Variants in PLB1 observed in about 807,000 individuals in gnomAD.
The protein encoded by PLB1 is phospholipase B1.
Under a neutral mutation model 227.4 loss-of-function variants are expected in PLB1, and 242 were observed. The observed-to-expected ratio is 1.06, with a 90% CI of 0.96 to 1.18. The LOEUF is 1.18. PLB1 is among the 50% of genes most tolerant of loss of function. The pLI is 0.00. For missense variants in PLB1, 1,858 were observed against 1,816.3 expected (o/e 1.02, Z -0.42); for synonymous variants, 757 against 682.2 (o/e 1.11, Z -1.71).
Position 28,525,937 on chromosome 2 carries a change from T to G in PLB1, c.317T>G (p.Val106Gly). The change falls in exon 6 of 58, where the codon GTG becomes GGG. Residue 106 changes from valine to glycine, a missense_variant. Physicochemically the swap from Val to Gly is moderately radical, Grantham distance 109 (BLOSUM62 -3). Transcript: ENST00000327757. ...AGGCCACAGCAGGTGTGCATGGGAG[T>G]GATGACAGGTGAGTTGTGGTTTTCA... ...TERPQQVCMG[V>G]MTVLSDIIRY... is the part of the protein sequence containing the mutation. 1 of 1,613,766 alleles carries G rather than the reference T, an allele frequency of 6.2e-7. No homozygotes were observed. The highest frequency in any genetic ancestry group is 8.5e-7 in the Non-Finnish European group (1 of 1,179,926).
At chr2:28,642,672 T>C (rs1690102413) in intron 57 of PLB1, among the ~76,000 whole-genome samples, 186 bp from the exon 58 acceptor site, 1 of 152,172 alleles carries the variant, frequency 6.6e-6, no homozygotes, top group Non-Finnish European at 1.5e-5. Context: ...GTTGACCTCT[T>C]TAGAGGCCCA....
At chr2:28,581,812 TTA>T (rs1680061424) in intron 23 of PLB1, among the ~76,000 whole-genome samples, 1 of 151,654 alleles carries the variant, frequency 6.6e-6, no homozygotes, top group Non-Finnish European at 1.5e-5. Flanking sequence ...AATACAAAAA[TTA>T]GCCAGGTGTG....
chr2:28,585,730 G>A (rs1480478540), intron 25 of PLB1, 31 bp from the exon 26 acceptor site: 3 of 1,516,118 alleles, frequency 2.0e-6, no homozygotes, highest in African/African-American at 1.4e-5. Context: ...ATCTTGGTGG[G>A]ATGAGGGTTT....
At chr2:28,608,406 C>A (rs1224076306) in intron 43 of PLB1, among the ~76,000 whole-genome samples, 1 of 152,194 alleles carries the variant, frequency 6.6e-6, no homozygotes, top group African/African-American at 2.4e-5. Context: ...CAACAGGCAA[C>A]AGGCAAGACG....
intron 9 of PLB1, among the ~76,000 whole-genome samples, chr2:28,534,527 C>G (rs552944207): frequency 6.6e-6 from 1 of 152,122 alleles, no homozygotes; most frequent in Non-Finnish European, 1.5e-5. Context: ...TGGATTGGGA[C>G]GTGAAACACA....
intron 56 of PLB1, 61 bp from the exon 57 acceptor site, chr2:28,640,866 T>G: frequency 6.6e-7 from 1 of 1,518,156 alleles, no homozygotes; most frequent in Non-Finnish European, 9.0e-7. Flanking sequence ...AGACACCCCC[T>G]CAGAGAGGAA....
intron 17 of PLB1, among the ~76,000 whole-genome samples, chr2:28,553,793 A>C (rs748542615): frequency 1.3e-5 from 2 of 152,234 alleles, no homozygotes; most frequent in Non-Finnish European, 2.9e-5. Flanking sequence ...AGGAGTTTAC[A>C]TTCTAATGAA....
At chr2:28,502,663 C>A (rs1667230344) in intron 1 of PLB1, among the ~76,000 whole-genome samples, 1 of 152,104 alleles carries the variant, frequency 6.6e-6, no homozygotes. Flanking sequence ...CTTATATGCC[C>A]ATGAATGAGA....
intron 1 of PLB1, among the ~76,000 whole-genome samples, chr2:28,511,477 C>T (rs1668250527): frequency 6.6e-6 from 1 of 152,080 alleles, no homozygotes; most frequent in African/African-American, 2.4e-5. Context: ...TACTTCATTC[C>T]TTTTTACATC....
At chr2:28,516,281 C>T (rs1668842175) in intron 1 of PLB1, among the ~76,000 whole-genome samples, 1 of 152,202 alleles carries the variant, frequency 6.6e-6, no homozygotes, top group Non-Finnish European at 1.5e-5. Flanking sequence ...TTTTCTTCCC[C>T]TTACTCCTCA....
At chr2:28,581,567 G>A (rs950318054) in intron 23 of PLB1, among the ~76,000 whole-genome samples, 2 of 57,594 alleles carry the variant, frequency 3.5e-5, no homozygotes, top group South Asian at 5.8e-4. Context: ...GCATTTCCCT[G>A]AGGGCCACAG....
intron 42 of PLB1, 55 bp from the exon 43 acceptor site, chr2:28,606,441 C>T: frequency 6.6e-7 from 1 of 1,525,982 alleles, no homozygotes; most frequent in Non-Finnish European, 9.1e-7. Flanking sequence ...AGGGAATGTT[C>T]ACTTCCATGG....
chr2:28,571,734 G>GT (rs1243284873), intron 20 of PLB1, among the ~76,000 whole-genome samples: 1 of 152,062 alleles, frequency 6.6e-6, no homozygotes, highest in Non-Finnish European at 1.5e-5. Flanking sequence ...CAACTAGATA[G>GT]TTACACACAG....
chr2:28,497,652 C>T (rs1477942343), intron 1 of PLB1, among the ~76,000 whole-genome samples: 2 of 152,098 alleles, frequency 1.3e-5, no homozygotes, highest in African/African-American at 4.8e-5. Flanking sequence ...CTGGCCTGGC[C>T]GATTGCAGAC....
chr2:28,606,557 G>A lies in PLB1; in HGVS notation c.3119G>A (p.Cys1040Tyr). 1 of 1,614,140 alleles carries A rather than the reference G, an allele frequency of 6.2e-7. No homozygotes were observed. Among genetic ancestry groups the A allele is most frequent in the Non-Finnish European group, 8.5e-7 (1 of 1,180,008 alleles). The stretch of plus-strand genomic sequence containing the variant: ...CTGAGAGCAGAGATGCCCATCACCT[G>A]TCCCACTCAGGTAGTAGGGGAGGAC... ...LDLRAEMPIT[C>Y]PTQNEPFLRT... is the part of the protein sequence containing the mutation. Residue 1040 changes from cysteine to tyrosine, a missense_variant, in exon 43 of 58, where the codon TGT becomes TAT. By Grantham distance (194) the Cys-to-Tyr change is radical. Transcript: ENST00000327757.
rs145621285 is a variant in PLB1, at chr2:28,496,114, C to T, written c.-1C>T. The stretch of plus-strand genomic sequence containing the variant: ...GCCCGAGTCACCTGGAGCATTCTGG[C>T]ATGGGGCTGCGGCCAGGCATTTTCC... On this transcript the variant is annotated 5_prime_UTR_variant, in exon 1 of 58. Transcript: ENST00000327757. 7.4e-6 allele frequency: 12 copies of T among 1,614,050 alleles called. No homozygotes were observed. The highest frequency in any genetic ancestry group is 2.2e-5 in the East Asian group (1 of 44,874).
intron 14 of PLB1, among the ~76,000 whole-genome samples, chr2:28,545,186 G>A (rs747321458): frequency 3.3e-5 from 5 of 152,154 alleles, no homozygotes; most frequent in Non-Finnish European, 5.9e-5. Context: ...AGAGGAGGAG[G>A]ATGTGGCTTT....
At chr2:28,549,857 C>A (rs1489198154) in intron 15 of PLB1, among the ~76,000 whole-genome samples, 153 bp from the exon 16 acceptor site, 2 of 152,020 alleles carry the variant, frequency 1.3e-5, no homozygotes, top group East Asian at 1.9e-4. Context: ...CTTCAGGGAC[C>A]AGAGAGAAGA....
intron 9 of PLB1, among the ~76,000 whole-genome samples, chr2:28,532,411 C>T (rs767770133): frequency 1.3e-5 from 2 of 152,160 alleles, no homozygotes; most frequent in Admixed American, 6.5e-5. Context: ...CTTGAACAGG[C>T]GTTCTGTGGG....
Sources: allele counts gnomAD v4.1 joint callset (sites outside exome capture counted in the v4.1 genomes callset), GRCh38; gene constraint gnomAD v4.1.1; transcripts MANE v1.5; gene names NCBI Gene and HGNC (gene_info 2026-07-23, HGNC 2026-07-21).